GRIA4: variants seen among roughly 807,000 people sequenced by gnomAD.
GRIA4 encodes the protein glutamate ionotropic receptor AMPA type subunit 4, also known as glutamate receptor 4.
In GRIA4, 34 loss-of-function variants were observed where a neutral mutation model predicts 104.0. The observed-to-expected ratio is 0.33, with a 90% CI of 0.25 to 0.44. The LOEUF (loss-of-function observed/expected upper bound fraction) is 0.44, where lower values mean the gene tolerates loss of function less well. Among genes scored for constraint, GRIA4 ranks in the 20% least tolerant of loss-of-function variants. GRIA4 has a pLI of 1.00. For synonymous variants in GRIA4, 386 were observed against 381.9 expected (o/e 1.01, Z -0.13); for missense variants, 750 against 1,096.5 (o/e 0.68, Z 4.46).
chr11:105,682,420 C>T (rs1324660901), intron 3 of GRIA4, among the ~76,000 whole-genome samples: 2 of 152,078 alleles, frequency 1.3e-5, no homozygotes, highest in African/African-American at 4.8e-5. Context: ...TGTACTCTTT[C>T]ATCTAAAGAA....
chr11:105,776,078 C>T (rs1419127449), intron 4 of GRIA4, among the ~76,000 whole-genome samples: 3 of 151,922 alleles, frequency 2.0e-5, no homozygotes, highest in Non-Finnish European at 4.4e-5. Context: ...GAAATAGTAC[C>T]TAACAATTTT....
intron 3 of GRIA4, among the ~76,000 whole-genome samples, chr11:105,714,883 G>A (rs1166120643): frequency 6.6e-6 from 1 of 151,876 alleles, no homozygotes. Context: ...ATTAGTAAAG[G>A]GTCTAGGTTA....
Position 105,933,974 on chromosome 11 carries a change from G to T in GRIA4, c.2294+5G>T. 1 of 1,608,256 alleles carries T rather than the reference G, an allele frequency of 6.2e-7. No homozygotes were observed. The highest frequency in any genetic ancestry group is 8.5e-7 in the Non-Finnish European group (1 of 1,176,108). On this transcript the variant is annotated splice_donor_5th_base_variant and intron_variant, in intron 14 of 16. Coordinates refer to ENST00000282499, the MANE Select transcript of GRIA4 (RefSeq NM_000829.4). The stretch of plus-strand genomic sequence containing the variant: ...GCCCAAGGGTTCCTCATTAAGGTGG[G>T]TGGAATAGTATAACAATATAACATG...
chr11:105,906,691 C>T (rs1947052468), intron 9 of GRIA4, among the ~76,000 whole-genome samples: 1 of 152,114 alleles, frequency 6.6e-6, no homozygotes, highest in Non-Finnish European at 1.5e-5. Context: ...TGATCCAGAT[C>T]AGGAGTGGCA....
chr11:105,673,836 A>G (rs1490136290), intron 3 of GRIA4, among the ~76,000 whole-genome samples: 1 of 152,054 alleles, frequency 6.6e-6, no homozygotes, highest in African/African-American at 2.4e-5. Context: ...TATCTATTAT[A>G]CTTAGAAATT....
At chr11:105,624,668 C>G (rs1189882602) in intron 3 of GRIA4, among the ~76,000 whole-genome samples, 1 of 152,048 alleles carries the variant, frequency 6.6e-6, no homozygotes, top group Non-Finnish European at 1.5e-5. Context: ...GGGAATTCAT[C>G]ACTTTTTGTT....
chr11:105,850,553 A>G (rs546980274), intron 4 of GRIA4, among the ~76,000 whole-genome samples: 26 of 152,312 alleles, frequency 1.7e-4, no homozygotes, highest in African/African-American at 5.5e-4. Context: ...GAGAGAAGGC[A>G]GTTGATAGTG....
intron 3 of GRIA4, among the ~76,000 whole-genome samples, chr11:105,711,185 C>A (rs764807264): frequency 1.3e-5 from 2 of 151,896 alleles, no homozygotes; most frequent in East Asian, 1.9e-4. Flanking sequence ...GTTCCAAAGA[C>A]AACATTTAAA....
chr11:105,862,466 G>A (rs934873433), intron 5 of GRIA4: 4 of 276,052 alleles, frequency 1.4e-5, no homozygotes, highest in Non-Finnish European at 2.7e-5. Flanking sequence ...GACTCTGTGT[G>A]AATCTTGAAG....
In GRIA4 at chr11:105,787,777, G is replaced by T. The variant is rs1455812920; in HGVS notation, c.487+34557G>T. ...TGGGGGGAATCACATAAGTACTATT[G>T]ATATCACACAAGTTTAACATTTAAA... On this transcript the variant is annotated intron_variant, in intron 4 of 16. Transcript: ENST00000282499. Among the ~76,000 whole-genome samples, 3 of 152,108 alleles carry T rather than the reference G, an allele frequency of 2.0e-5. No individual in the cohort carries two copies. The East Asian group carries it at 5.8e-4, about 29-fold the overall frequency.
rs114555697 is a variant in GRIA4 at position 105,803,005 on chromosome 11, T to C, written c.487+49785T>C. Among the ~76,000 whole-genome samples the C allele has an allele frequency of 9.5e-3, 1,442 of 152,116 alleles. 31 individuals are homozygous for C. The highest frequency in any genetic ancestry group is 0.033 in the African/African-American group (1,374 of 41,538). ...TATCTTTGACTTAAATCACAGTAAC[T>C]AACATTTGAAATTTTTAGGCAAGAC... On this transcript the variant is annotated intron_variant, in intron 4 of 16. Coordinates refer to ENST00000282499, the MANE Select transcript of GRIA4 (RefSeq NM_000829.4).
At chr11:105,953,587 G>T (rs1948511071) in intron 14 of GRIA4, among the ~76,000 whole-genome samples, 1 of 151,574 alleles carries the variant, frequency 6.6e-6, no homozygotes, top group Non-Finnish European at 1.5e-5. Flanking sequence ...TTTCTTATTA[G>T]CATGGTTCTG....
intron 4 of GRIA4, among the ~76,000 whole-genome samples, chr11:105,803,346 G>A (rs1286464670): frequency 6.6e-6 from 1 of 151,864 alleles, no homozygotes; most frequent in Non-Finnish European, 1.5e-5. Context: ...TTGCCACTAT[G>A]AAATTTAGAT....
intron 16 of GRIA4, 52 bp downstream of exon 16, chr11:105,974,496 A>T (rs1858870280): frequency 1.2e-6 from 2 of 1,613,878 alleles, no homozygotes; most frequent in East Asian, 2.2e-5. Flanking sequence ...GAATACCCAG[A>T]ATTTAGCAAC....
At chr11:105,772,168 T>C (rs1345621202) in intron 4 of GRIA4, among the ~76,000 whole-genome samples, 1 of 152,142 alleles carries the variant, frequency 6.6e-6, no homozygotes, top group Non-Finnish European at 1.5e-5. Context: ...CTCCACTAAA[T>C]TGCCTATTGC....
intron 4 of GRIA4, among the ~76,000 whole-genome samples, chr11:105,822,173 T>C (rs1943598552): frequency 6.6e-6 from 1 of 152,092 alleles, no homozygotes; most frequent in African/African-American, 2.4e-5. Context: ...ATAATATAAA[T>C]ATAATTTCAT....
chr11:105,887,865 T>A (rs1465778484), intron 6 of GRIA4, among the ~76,000 whole-genome samples: 1 of 152,224 alleles, frequency 6.6e-6, no homozygotes, highest in Non-Finnish European at 1.5e-5. Flanking sequence ...TGATAAATGC[T>A]ACTTTATAGA....
intron 3 of GRIA4, among the ~76,000 whole-genome samples, chr11:105,626,704 T>C (rs1950895500): frequency 6.6e-6 from 1 of 152,210 alleles, no homozygotes; most frequent in Admixed American, 6.6e-5. Flanking sequence ...CTGTTGATCA[T>C]GAGAGTTCTC....
At chr11:105,734,263 A>G (rs1938796388) in intron 3 of GRIA4, among the ~76,000 whole-genome samples, 1 of 151,896 alleles carries the variant, frequency 6.6e-6, no homozygotes. Flanking sequence ...GCATTCAGCC[A>G]GTTGCTTTGC....
Sources: gnomAD v4.1 joint callset for allele counts (sites outside exome capture counted in the v4.1 genomes callset) on GRCh38, gnomAD v4.1.1 for gene constraint, MANE v1.5 for transcripts, NCBI Gene and HGNC (gene_info 2026-07-23, HGNC 2026-07-21) for gene names.